Variants in PIAS2 observed in about 807,000 individuals in gnomAD.
PIAS2 encodes protein inhibitor of activated STAT 2.
A neutral mutation model predicts 69.7 loss-of-function variants in PIAS2; 19 were observed. The observed-to-expected ratio is 0.27, with a 90% CI of 0.19 to 0.40. The LOEUF (loss-of-function observed/expected upper bound fraction) is 0.40. PIAS2 is among the 10% of genes least tolerant of loss of function. The pLI is 1.00. For missense variants in PIAS2, 624 were observed against 757.0 expected (o/e 0.82, Z 2.06); for synonymous variants, 261 against 263.2 (o/e 0.99, Z 0.08).
chr18:46,852,926 CTT>C (rs1235522357), intron 5 of PIAS2: 1 of 152,256 alleles, frequency 6.6e-6, no homozygotes, highest in Non-Finnish European at 1.5e-5. Flanking sequence ...CCTCCATAGT[CTT>C]ATCTTTCATC....
At chr18:46,877,896 C>A in intron 2 of PIAS2, among the ~76,000 whole-genome samples, 1 of 152,170 alleles carries the variant, frequency 6.6e-6, no homozygotes, top group Non-Finnish European at 1.5e-5. Flanking sequence ...ACCTGCTTTA[C>A]ACCACTATGT....
In PIAS2 at chr18:46,917,500, C is replaced by G. The variant is rs1256316487; in HGVS notation, c.-155G>C. 6.7e-6 allele frequency: 8 copies of G among 1,188,324 alleles called. No individual in the cohort carries two copies. Among genetic ancestry groups the G allele is most frequent in the Admixed American group, 4.6e-5 (1 of 21,564 alleles). The allele number at this position is 1,188,324 out of a possible 1,614,324, so 73.6% of individuals were successfully genotyped here. ...CGGCCGCCGCCGCTACAGCCGGGCC[C>G]GTCACGTGAACGGCGCGGGAGCTCC... On this transcript the variant is annotated 5_prime_UTR_variant, in exon 1 of 14. Coordinates refer to ENST00000585916, the MANE Select transcript of PIAS2 (RefSeq NM_004671.5).
At chr18:46,902,295 G>A (rs945640069) in intron 1 of PIAS2, among the ~76,000 whole-genome samples, 5 of 150,872 alleles carry the variant, frequency 3.3e-5, no homozygotes, top group Admixed American at 6.6e-5. Flanking sequence ...GATGGCTCAC[G>A]CCTGTAATCT....
intron 2 of PIAS2, among the ~76,000 whole-genome samples, chr18:46,889,894 G>A (rs1176549934): frequency 6.6e-6 from 1 of 152,184 alleles, no homozygotes. Context: ...AGAAGAAACA[G>A]CTAAAATAAT....
intron 1 of PIAS2, among the ~76,000 whole-genome samples, chr18:46,914,263 T>C (rs746219769): frequency 1.3e-5 from 2 of 152,150 alleles, no homozygotes; most frequent in African/African-American, 4.8e-5. Context: ...TTTCCTTCAA[T>C]CCATCAGGAT....
chr18:46,914,720 TAGCCTTGA>T (rs1472718823), intron 1 of PIAS2, among the ~76,000 whole-genome samples: 1 of 151,858 alleles, frequency 6.6e-6, no homozygotes. Flanking sequence ...CCAAAATGAG[TAGCCTTGA>T]AGGGTAATGG....
At chr18:46,844,529 A>G (rs1248174332) in intron 7 of PIAS2, among the ~76,000 whole-genome samples, 1 of 152,076 alleles carries the variant, frequency 6.6e-6, no homozygotes, top group African/African-American at 2.4e-5. Flanking sequence ...AAAAATATTT[A>G]TACTTCCTTT....
upstream of PIAS2, among the ~76,000 whole-genome samples, chr18:46,919,411 T>C (rs1423363784): frequency 1.3e-5 from 2 of 151,598 alleles, no homozygotes; most frequent in Non-Finnish European, 2.9e-5. Context: ...GCTTGAACCC[T>C]GGAGGCGGAG....
intron 1 of PIAS2, among the ~76,000 whole-genome samples, chr18:46,913,335 G>C (rs1259198838): frequency 2.0e-5 from 3 of 152,108 alleles, no homozygotes; most frequent in African/African-American, 4.8e-5. Context: ...TTCTTAGCAT[G>C]AAAGACCCAA....
Position 46,855,103 on chromosome 18 carries a change from TAAAAAAAAA to T in PIAS2, c.726+233_726+241del, listed in dbSNP as rs59957336. 2.0e-3 allele frequency among the ~76,000 whole-genome samples: 154 copies of T among 76,346 alleles called. 1 individual carries two copies. Among genetic ancestry groups the T allele is most frequent in the African/African-American group, 7.9e-3 (137 of 17,308 alleles). The allele number at this position is 76,346 out of a possible 152,430, so 50.1% of individuals were successfully genotyped here. On this transcript the variant is annotated intron_variant, in intron 5 of 13. Transcript: ENST00000585916. Reference sequence around the variant, plus strand: ...GGAACACAGTAGGACCTTGTCTCTTTAAAAAAAAAAAAAAAAAAAAAAAAAAAATTCCAG... The same window carrying T: ...GGAACACAGTAGGACCTTGTCTCTTTAAAAAAAAAAAAAAAAAAATTCCAG...
chr18:46,809,846 A>G lies in PIAS2; in HGVS notation c.*2587T>C, dbSNP rs545825971. 6.6e-6 allele frequency: 1 copy of G among 152,238 alleles called. No homozygotes were observed. Among genetic ancestry groups the G allele is most frequent in the South Asian group, 2.1e-4 (1 of 4,818 alleles). The allele number at this position is 152,238 out of a possible 1,614,324, so 9.4% of individuals were successfully genotyped here. On this transcript the variant is annotated 3_prime_UTR_variant, in exon 14 of 14. Coordinates refer to ENST00000585916, the MANE Select transcript of PIAS2 (RefSeq NM_004671.5). ...CAGACAATCACTGGTTGGCTGACAG[A>G]ATCTAGGTGACAGCTAAGATCACCC...
chr18:46,811,152 G>A lies in PIAS2; in HGVS notation c.*1281C>T, dbSNP rs1220791626. On this transcript the variant is annotated 3_prime_UTR_variant, in exon 14 of 14. Transcript: ENST00000585916. The stretch of plus-strand genomic sequence containing the variant: ...GAGTGTTTGGGGTAGCATGGATTGA[G>A]ACAGGAAGTGGGTTCAGGCCCATCT... 1 of 151,692 alleles carries A rather than the reference G, an allele frequency of 6.6e-6. No homozygotes were observed. Among genetic ancestry groups the A allele is most frequent in the Non-Finnish European group, 1.5e-5 (1 of 67,982 alleles). 9.4% of individuals were successfully genotyped at this position (151,692 alleles called of 1,614,324 possible).
At chr18:46,903,007 CAT>C (rs1285693660) in intron 1 of PIAS2, among the ~76,000 whole-genome samples, 1 of 152,122 alleles carries the variant, frequency 6.6e-6, no homozygotes, top group African/African-American at 2.4e-5. Flanking sequence ...ACTGGACACC[CAT>C]AGACAGAAAA....
intron 5 of PIAS2, among the ~76,000 whole-genome samples, chr18:46,850,351 C>T (rs191144731): frequency 9.2e-5 from 14 of 152,264 alleles, no homozygotes; most frequent in African/African-American, 3.1e-4. Context: ...CTCCTTTATT[C>T]TATAAACATA....
Position 46,906,260 on chromosome 18 carries a change from G to A in PIAS2, c.24+11062C>T, listed in dbSNP as rs1444261290. On this transcript the variant is annotated intron_variant, in intron 1 of 13. Coordinates refer to ENST00000585916, the MANE Select transcript of PIAS2 (RefSeq NM_004671.5). ...TTTGAAAGCATTCCCTTTAAAATCA[G>A]GAACAAGATCAGGATGCCCCCATCA... is the stretch of plus-strand genomic sequence containing the variant. 4.0e-5 allele frequency: 6 copies of A among 151,786 alleles called. No individual in the cohort carries two copies. In the East Asian group the frequency reaches 1.2e-3, roughly 29 times the overall value. The allele number at this position is 151,786 out of a possible 1,614,324, so 9.4% of individuals were successfully genotyped here.
intron 12 of PIAS2, chr18:46,818,127 T>C (rs1271749808): frequency 6.5e-6 from 7 of 1,074,984 alleles, no homozygotes; most frequent in Admixed American, 5.2e-5. Context: ...CACTGTGAAA[T>C]TGACTCATTA....
chr18:46,867,131 T>C (rs1020656959), intron 2 of PIAS2, among the ~76,000 whole-genome samples: 14 of 152,232 alleles, frequency 9.2e-5, no homozygotes, highest in Admixed American at 6.5e-5. Flanking sequence ...TTAATGTTAG[T>C]AGTCTGTGTC....
At chr18:46,876,056 T>C (rs973291586) in intron 2 of PIAS2, among the ~76,000 whole-genome samples, 3 of 152,228 alleles carry the variant, frequency 2.0e-5, no homozygotes, top group African/African-American at 7.2e-5. Flanking sequence ...TTTAAGCCAT[T>C]CCGAGAGCTG....
intron 2 of PIAS2, among the ~76,000 whole-genome samples, chr18:46,877,806 G>A (rs892226335): frequency 6.6e-6 from 1 of 152,128 alleles, no homozygotes; most frequent in Admixed American, 6.5e-5. Flanking sequence ...AAGTAAATTT[G>A]CCTTGCTGAG....
Sources: allele counts gnomAD v4.1 joint callset (sites outside exome capture counted in the v4.1 genomes callset), GRCh38; gene constraint gnomAD v4.1.1; transcripts MANE v1.5; gene names NCBI Gene and HGNC (gene_info 2026-07-23, HGNC 2026-07-21).